RBM19: variants seen among roughly 807,000 people sequenced by gnomAD.
RBM19 encodes RNA binding motif protein 19, also known as probable RNA-binding protein 19.
Under a neutral mutation model 116.8 loss-of-function variants are expected in RBM19, and 94 were observed. The ratio of observed to expected loss-of-function variants is 0.80; its 90% CI spans 0.68 to 0.95. The LOEUF is 0.95. Among genes scored for constraint, RBM19 ranks in the 40% least tolerant of loss-of-function variants. RBM19 has a pLI of 0.00. For synonymous variants in RBM19, 475 were observed against 494.1 expected, an observed-to-expected ratio of 0.96 and a Z score of 0.51; for missense variants, 1,161 against 1,220.7, an observed-to-expected ratio of 0.95 and a Z score of 0.73.
intron 21 of RBM19, among the ~76,000 whole-genome samples, chr12:113,867,339 A>G (rs1363853902): frequency 1.3e-5 from 2 of 152,204 alleles, no homozygotes; most frequent in Non-Finnish European, 2.9e-5. Context: ...CATCATTCAG[A>G]TACTATGGAT....
chr12:113,829,778 CA>C (rs1875205430), intron 23 of RBM19, among the ~76,000 whole-genome samples: 1 of 152,236 alleles, frequency 6.6e-6, no homozygotes, highest in South Asian at 2.1e-4. Context: ...GCACTTAGCC[CA>C]GGGCCCGGCC....
chr12:113,888,380 G>A lies in RBM19; in HGVS notation c.2558+26589C>T, dbSNP rs1319090931. 3.3e-5 allele frequency among the ~76,000 whole-genome samples: 5 copies of A among 152,186 alleles called. No homozygotes were observed. The East Asian group carries it at 9.7e-4, about 29-fold the overall frequency. On this transcript the variant is annotated intron_variant, in intron 21 of 23. Transcript: ENST00000261741. ...CTTTGTAGATTTCAGCCCAAATCTC[G>A]ACTGGCTTTAAACCTTGACCTTCTA... is the stretch of plus-strand genomic sequence containing the variant.
At chr12:113,924,659 C>A in intron 18 of RBM19, 38 bp downstream of exon 18, 1 of 1,507,770 alleles carries the variant, frequency 6.6e-7, no homozygotes, top group South Asian at 1.1e-5. Context: ...CTCTTTCCGG[C>A]TGAATACTGA....
intron 16 of RBM19, among the ~76,000 whole-genome samples, chr12:113,930,565 T>C (rs1048291591): frequency 1.3e-5 from 2 of 152,178 alleles, no homozygotes; most frequent in African/African-American, 2.4e-5. Context: ...GGGTGTGCAG[T>C]TGGCCTGGCA....
chr12:113,868,223 C>T (rs1355891030), intron 21 of RBM19, among the ~76,000 whole-genome samples: 2 of 152,184 alleles, frequency 1.3e-5, no homozygotes, highest in Admixed American at 1.3e-4. Flanking sequence ...AATGGTGAGA[C>T]AGGTCTCACA....
chr12:113,878,813 G>T (rs2135783740), intron 21 of RBM19, among the ~76,000 whole-genome samples: 1 of 137,498 alleles, frequency 7.3e-6, no homozygotes. Flanking sequence ...AAAAAGCCAG[G>T]TGCCAAAGAA....
chr12:113,828,370 G>A (rs959428012), intron 23 of RBM19, among the ~76,000 whole-genome samples: 4 of 152,142 alleles, frequency 2.6e-5, no homozygotes, highest in Middle Eastern at 3.2e-3. Flanking sequence ...CTGGAGACAC[G>A]CAGCCTCACT....
chr12:113,956,312 G>T (rs543852954), intron 6 of RBM19, among the ~76,000 whole-genome samples: 5 of 152,250 alleles, frequency 3.3e-5, no homozygotes, highest in African/African-American at 9.6e-5. Flanking sequence ...CAGGTGCAGT[G>T]GCTCAGGCCT....
intron 9 of RBM19, among the ~76,000 whole-genome samples, chr12:113,949,278 G>A (rs2135924862): frequency 6.6e-6 from 1 of 152,294 alleles, no homozygotes. Flanking sequence ...GCCTGCCTGA[G>A]TTATCCCAGA....
rs893952657 is a variant in RBM19, at chr12:113,879,446, T to TATATATATATATATATATATAC, written c.2559-20551_2559-20550insGTATATATATATATATATATAT. ...TACATACATTTTATATATATATATATATATGGACTTTTCTTTTTTTAAGGG... is the reference window on the plus strand; with the variant it reads ...TACATACATTTTATATATATATATATATATATATATATATATATATACATATGGACTTTTCTTTTTTTAAGGG... On this transcript the variant is annotated intron_variant, in intron 21 of 23. Coordinates refer to ENST00000261741, the MANE Select transcript of RBM19 (RefSeq NM_016196.4). 1.9e-4 allele frequency among the ~76,000 whole-genome samples: 27 copies of TATATATATATATATATATATAC among 142,326 alleles called. 2 individuals carry two copies. The South Asian group carries it at 3.6e-3, about 19-fold the overall frequency. The allele number at this position is 142,326 out of a possible 152,430, so 93.4% of individuals were successfully genotyped here.
At chr12:113,833,466 A>C (rs2135697923) in intron 23 of RBM19, among the ~76,000 whole-genome samples, 1 of 152,222 alleles carries the variant, frequency 6.6e-6, no homozygotes, top group South Asian at 2.1e-4. Context: ...TTCCCACTGC[A>C]CCTTGAATAC....
chr12:113,884,112 CAA>C (rs1273858250), intron 21 of RBM19, among the ~76,000 whole-genome samples: 3 of 72,006 alleles, frequency 4.2e-5, no homozygotes, highest in Non-Finnish European at 8.5e-5. Context: ...CCATCTCTAC[CAA>C]AAAAAAAAAA....
At chr12:113,895,382 C>A (rs774199693) in intron 21 of RBM19, among the ~76,000 whole-genome samples, 1 of 152,096 alleles carries the variant, frequency 6.6e-6, no homozygotes, top group South Asian at 2.1e-4. Context: ...ACAACATGCC[C>A]GGCTCCAAAC....
At chr12:113,962,109 G>T in intron 2 of RBM19, 123 bp downstream of exon 2, 2 of 1,195,508 alleles carry the variant, frequency 1.7e-6, no homozygotes, top group Non-Finnish European at 2.4e-6. Context: ...GTGAATCGGT[G>T]AGGAAGAAAA....
At chr12:113,920,714 C>T (rs773402216) in intron 18 of RBM19, 24 bp from the exon 19 acceptor site, 6 of 1,603,480 alleles carry the variant, frequency 3.7e-6, no homozygotes, top group Admixed American at 1.7e-5. Flanking sequence ...GTGGAAATCA[C>T]ACCAGTCGGT....
At chr12:113,946,968 T>C (rs1036619248) in intron 11 of RBM19, among the ~76,000 whole-genome samples, 6 of 152,230 alleles carry the variant, frequency 3.9e-5, no homozygotes, top group Non-Finnish European at 8.8e-5. Flanking sequence ...TTTCTTTTAT[T>C]CCACTGTGGC....
At chr12:113,895,845 GAATA>G (rs1566002215) in intron 21 of RBM19, among the ~76,000 whole-genome samples, 2 of 149,540 alleles carry the variant, frequency 1.3e-5, no homozygotes, top group African/African-American at 4.9e-5. Context: ...ATTATATATA[GAATA>G]TATACTATAG....
intron 18 of RBM19, among the ~76,000 whole-genome samples, chr12:113,921,718 C>T (rs993316344): frequency 1.8e-4 from 27 of 152,208 alleles, no homozygotes; most frequent in African/African-American, 6.0e-4. Context: ...AGATACTGCT[C>T]CAAAGCTCTC....
At chr12:113,905,322 G>C (rs1043222716) in intron 21 of RBM19, among the ~76,000 whole-genome samples, 1 of 152,184 alleles carries the variant, frequency 6.6e-6, no homozygotes, top group African/African-American at 2.4e-5. Context: ...CCTGATCTAT[G>C]ACAAAATCAA....
Sources: allele counts gnomAD v4.1 joint callset (sites outside exome capture counted in the v4.1 genomes callset), GRCh38; gene constraint gnomAD v4.1.1; transcripts MANE v1.5; gene names NCBI Gene and HGNC (gene_info 2026-07-23, HGNC 2026-07-21).